Variants in NFATC1 observed in about 807,000 individuals in gnomAD.
NFATC1 encodes nuclear factor of activated T cells 1.
In NFATC1, 22 loss-of-function variants were observed where a neutral mutation model predicts 76.0. That is an observed-to-expected ratio of 0.29 (90% confidence interval 0.21 to 0.41). The LOEUF (loss-of-function observed/expected upper bound fraction) is 0.41, where lower values mean the gene tolerates loss of function less well. Among genes scored for constraint, NFATC1 ranks in the 10% least tolerant of loss-of-function variants. The probability of loss-of-function intolerance (pLI) is 1.00; values close to 1 mark genes in which losing one functional copy is unlikely to be tolerated. For missense variants in NFATC1, 1,357 were observed against 1,337.7 expected (o/e 1.01, Z -0.23); for synonymous variants, 704 against 613.1 (o/e 1.15, Z -2.19).
intron 2 of NFATC1, among the ~76,000 whole-genome samples, chr18:79,419,807 G>A (rs983023742): frequency 1.4e-4 from 22 of 152,344 alleles, no homozygotes; most frequent in Admixed American, 1.2e-3. Flanking sequence ...TTCGGCAGCC[G>A]GGCAGCCGCA....
intron 1 of NFATC1, among the ~76,000 whole-genome samples, chr18:79,406,270 C>T (rs2085434635): frequency 6.6e-6 from 1 of 152,222 alleles, no homozygotes; most frequent in Admixed American, 6.5e-5. Context: ...GATTGGGAAA[C>T]AGGAAGTGTA....
chr18:79,411,559 AACG>A, intron 2 of NFATC1, 58 bp downstream of exon 2: 1 of 1,260,316 alleles, frequency 7.9e-7, no homozygotes, highest in African/African-American at 1.6e-5. Context: ...GGCGGGGCGG[AACG>A]CGGGGAGCGG....
chr18:79,433,746 C>T lies in NFATC1; in HGVS notation c.1386+8C>T. ...GGACACCCCATCGTGCAGGTAGGCA[C>T]TGCGGCCAGACTCGCACGTCACTTG... is the stretch of plus-strand genomic sequence containing the variant. On this transcript the variant is annotated splice_region_variant and intron_variant, in intron 3 of 9. Transcript: ENST00000427363. The T allele has an allele frequency of 1.2e-6, 2 of 1,607,210 alleles. No homozygotes were observed. The highest frequency in any genetic ancestry group is 1.7e-6 in the Non-Finnish European group (2 of 1,177,200).
chr18:79,439,516 A>G (rs2086897437), intron 3 of NFATC1, among the ~76,000 whole-genome samples: 1 of 152,236 alleles, frequency 6.6e-6, no homozygotes, highest in Non-Finnish European at 1.5e-5. Context: ...GAACCTAGAC[A>G]ACAGCCCTCT....
intron 8 of NFATC1, among the ~76,000 whole-genome samples, chr18:79,471,495 T>C (rs1385400954): frequency 1.3e-5 from 2 of 152,208 alleles, no homozygotes; most frequent in Admixed American, 6.5e-5. Context: ...CCAGGTCTTT[T>C]TGTCTGAAGT....
intron 7 of NFATC1, among the ~76,000 whole-genome samples, chr18:79,464,670 G>GTGTA (rs1472542767): frequency 1.8e-5 from 2 of 112,678 alleles, no homozygotes; most frequent in African/African-American, 8.0e-5. Context: ...GTGTGTGTGT[G>GTGTA]TATATGTATG....
intron 9 of NFATC1, among the ~76,000 whole-genome samples, chr18:79,487,546 G>A (rs2145068867): frequency 6.6e-6 from 1 of 152,340 alleles, no homozygotes; most frequent in South Asian, 2.1e-4. Flanking sequence ...GCGCGGAGAT[G>A]CACCCAACAC....
intron 9 of NFATC1, among the ~76,000 whole-genome samples, chr18:79,518,681 C>T (rs2090443366): frequency 6.6e-6 from 1 of 152,266 alleles, no homozygotes; most frequent in African/African-American, 2.4e-5. Flanking sequence ...CCGCTACTCA[C>T]CGCAGTGTGA....
chr18:79,471,845 C>G (rs1414727498), intron 8 of NFATC1, among the ~76,000 whole-genome samples: 3 of 152,232 alleles, frequency 2.0e-5, no homozygotes, highest in African/African-American at 7.2e-5. Flanking sequence ...GGCGTGGGCC[C>G]CGAGCCCAGA....
chr18:79,426,568 G>A (rs936018904), intron 2 of NFATC1, among the ~76,000 whole-genome samples: 2 of 128,030 alleles, frequency 1.6e-5, no homozygotes, highest in East Asian at 2.2e-4. Flanking sequence ...GCAGTTCTGG[G>A]CCCCCTGGTG....
chr18:79,464,602 GAC>G (rs57175022), intron 7 of NFATC1, among the ~76,000 whole-genome samples: 4 of 142,934 alleles, frequency 2.8e-5, no homozygotes, highest in Non-Finnish European at 3.1e-5. Context: ...TGTTCACGCA[GAC>G]ACACACACAC....
chr18:79,404,328 G>A (rs1316598837), intron 1 of NFATC1, among the ~76,000 whole-genome samples: 1 of 152,142 alleles, frequency 6.6e-6, no homozygotes, highest in African/African-American at 2.4e-5. Context: ...AATCTTTCTC[G>A]CTGGCAGATT....
intron 3 of NFATC1, among the ~76,000 whole-genome samples, chr18:79,433,964 C>T (rs1257420857): frequency 2.0e-5 from 3 of 152,262 alleles, no homozygotes; most frequent in Non-Finnish European, 4.4e-5. Context: ...TTCAGATTTG[C>T]CCGAAGCAGC....
At position 79,474,931 on chromosome 18, in the gene NFATC1, C is replaced by T. The variant is rs180781268; in HGVS notation, c.2092+7349C>T. On this transcript the variant is annotated intron_variant, in intron 8 of 9. Coordinates refer to ENST00000427363, the MANE Select transcript of NFATC1 (RefSeq NM_001278669.2). ...AGCGTGTTCTCACGCTCGCTGTCAA[C>T]GTAAACCTGAGGGAAGCGTGTTCTC... Among the ~76,000 whole-genome samples, 75 of 131,352 alleles carry T rather than the reference C, an allele frequency of 5.7e-4. 4 individuals carry two copies. Among genetic ancestry groups the T allele is most frequent in the African/African-American group, 2.2e-3 (71 of 31,594 alleles). 86.2% of individuals were successfully genotyped at this position (131,352 alleles called of 152,430 possible).
chr18:79,510,063 G>T (rs1382673617), intron 9 of NFATC1, among the ~76,000 whole-genome samples: 2 of 152,178 alleles, frequency 1.3e-5, no homozygotes, highest in Admixed American at 1.3e-4. Context: ...ATATTTTAAG[G>T]CTTCTTCAGA....
intron 2 of NFATC1, among the ~76,000 whole-genome samples, chr18:79,415,729 T>C (rs920580742): frequency 1.3e-5 from 2 of 152,190 alleles, no homozygotes; most frequent in African/African-American, 4.8e-5. Context: ...TTGGTTTCAA[T>C]GATCAGAAAT....
intron 8 of NFATC1, chr18:79,470,378 GT>G (rs1161955789): frequency 6.6e-6 from 1 of 152,276 alleles, no homozygotes; most frequent in Admixed American, 6.5e-5. Context: ...ATGCCCGGGG[GT>G]CACGGCAGTG....
intron 9 of NFATC1, among the ~76,000 whole-genome samples, chr18:79,499,002 C>CAG (rs2089958289): frequency 6.6e-6 from 1 of 152,202 alleles, no homozygotes; most frequent in Admixed American, 6.5e-5. Flanking sequence ...ACCTGACCTA[C>CAG]AGGACATATT....
chr18:79,397,438 C>T (rs1248001744), intron 1 of NFATC1, among the ~76,000 whole-genome samples: 1 of 33,594 alleles, frequency 3.0e-5, no homozygotes, highest in Non-Finnish European at 8.5e-5. Context: ...TCCCCCAGCT[C>T]TGGAAAACTC....
Sources: allele counts gnomAD v4.1 joint callset (sites outside exome capture counted in the v4.1 genomes callset), GRCh38; gene constraint gnomAD v4.1.1; transcripts MANE v1.5; gene names NCBI Gene and HGNC (gene_info 2026-07-23, HGNC 2026-07-21).